The following SDK1 variants were observed in gnomAD, a reference collection of about 807,000 sequenced individuals.
SDK1 encodes the protein sidekick cell adhesion molecule 1.
SDK1 carries 157 observed loss-of-function variants against 245.5 expected under a neutral mutation model. That is an observed-to-expected ratio of 0.64 (90% confidence interval 0.56 to 0.73). SDK1 has a LOEUF of 0.73. Among genes scored for constraint, SDK1 ranks in the 30% least tolerant of loss-of-function variants. The probability of loss-of-function intolerance (pLI) is 0.00; values close to 1 mark genes in which losing one functional copy is unlikely to be tolerated. For missense variants in SDK1, 3,583 were observed against 3,002.3 expected (o/e 1.19, Z -4.52); for synonymous variants, 1,647 against 1,278.5 (o/e 1.29, Z -6.15).
At chr7:4,136,327 G>A (rs1029619607) in intron 28 of SDK1, among the ~76,000 whole-genome samples, 2 of 152,186 alleles carry the variant, frequency 1.3e-5, no homozygotes, top group Admixed American at 6.5e-5. Context: ...ATTCAGATGG[G>A]TGTTCACAGG....
chr7:3,945,655 G>A (rs1780545009), intron 5 of SDK1, among the ~76,000 whole-genome samples: 1 of 152,042 alleles, frequency 6.6e-6, no homozygotes, highest in Admixed American at 6.6e-5. Context: ...CAGCACTTCG[G>A]GAGGCCAAGG....
chr7:3,721,936 T>TCTTTC lies in SDK1; in HGVS notation c.713+79847_713+79851dup, dbSNP rs377139910. Among the ~76,000 whole-genome samples, 350 of 152,304 alleles carry TCTTTC rather than the reference T, an allele frequency of 2.3e-3. 3 individuals are homozygous for TCTTTC. The highest frequency in any genetic ancestry group is 7.4e-3 in the African/African-American group (309 of 41,560). ...TTAACAGTAAATTATTTTCCTTTCCTCTTTCCTTTCCTTTCCTTTCTGACA... is the reference window on the plus strand; with the variant it reads ...TTAACAGTAAATTATTTTCCTTTCCTCTTTCCTTTCCTTTCCTTTCCTTTCTGACA... On this transcript the variant is annotated intron_variant, in intron 4 of 44. Transcript: ENST00000404826.
chr7:3,309,524 A>ATTTTTTTTTTTTTTTTTTTTTTTTT (rs59762021), intron 1 of SDK1, among the ~76,000 whole-genome samples: 1 of 127,318 alleles, frequency 7.9e-6, no homozygotes. Context: ...CTAGAAAAAG[A>ATTTTTTTTTTTTTTTTTTTTTTTTT]TTTTTTTTTT....
chr7:4,130,690 T>C (rs926595180), intron 27 of SDK1, among the ~76,000 whole-genome samples: 1 of 152,204 alleles, frequency 6.6e-6, no homozygotes, highest in African/African-American at 2.4e-5. Flanking sequence ...CCAGCTTTGT[T>C]TTCATGGAAC....
At chr7:3,789,250 C>G (rs1013765880) in intron 4 of SDK1, among the ~76,000 whole-genome samples, 1 of 152,080 alleles carries the variant, frequency 6.6e-6, no homozygotes, top group Admixed American at 6.5e-5. Flanking sequence ...CAGGTTCAAG[C>G]GATTCTCCTG....
intron 30 of SDK1, among the ~76,000 whole-genome samples, chr7:4,152,100 GGGGATCC>G (rs1562892055): frequency 6.6e-6 from 1 of 152,216 alleles, no homozygotes; most frequent in African/African-American, 2.4e-5. Context: ...GGGCTGGAGC[GGGGATCC>G]TGCTGTTCCC....
chr7:3,606,808 A>G (rs1243262277), intron 1 of SDK1, among the ~76,000 whole-genome samples: 1 of 152,100 alleles, frequency 6.6e-6, no homozygotes, highest in Non-Finnish European at 1.5e-5. Context: ...ACATTATATA[A>G]AGGTGTTTCT....
chr7:4,192,617 G>A (rs1462586728), intron 35 of SDK1, among the ~76,000 whole-genome samples: 1 of 152,154 alleles, frequency 6.6e-6, no homozygotes, highest in Non-Finnish European at 1.5e-5. Flanking sequence ...TGTTTTTTCA[G>A]AGAATGCTTT....
intron 4 of SDK1, among the ~76,000 whole-genome samples, chr7:3,798,088 G>GT (rs906383564): frequency 2.8e-4 from 43 of 150,902 alleles, no homozygotes; most frequent in South Asian, 8.4e-4. Flanking sequence ...CTTTTTCCCA[G>GT]TTTTTTTTCC....
chr7:3,737,727 C>T (rs989312249), intron 4 of SDK1, among the ~76,000 whole-genome samples: 3 of 152,186 alleles, frequency 2.0e-5, no homozygotes, highest in African/African-American at 7.2e-5. Context: ...TCCCAGTGTT[C>T]CTGTGAGACA....
chr7:3,502,611 T>G (rs949737884), intron 1 of SDK1, among the ~76,000 whole-genome samples: 1 of 152,264 alleles, frequency 6.6e-6, no homozygotes, highest in African/African-American at 2.4e-5. Flanking sequence ...ATACAAAATT[T>G]GGATTTACAT....
intron 5 of SDK1, among the ~76,000 whole-genome samples, chr7:3,850,252 G>A (rs1170778664): frequency 6.6e-6 from 1 of 152,308 alleles, no homozygotes; most frequent in Non-Finnish European, 1.5e-5. Flanking sequence ...ATCCTCATCT[G>A]TCAAAGGGGA....
chr7:3,956,077 GT>G (rs1781234872), intron 7 of SDK1, among the ~76,000 whole-genome samples: 2 of 152,316 alleles, frequency 1.3e-5, no homozygotes, highest in Admixed American at 1.3e-4. Flanking sequence ...AGGGAGAAGT[GT>G]TTGTTTCCAT....
At chr7:3,841,956 C>T (rs968202340) in intron 5 of SDK1, among the ~76,000 whole-genome samples, 1 of 152,212 alleles carries the variant, frequency 6.6e-6, no homozygotes. Flanking sequence ...CAGGTGGCCT[C>T]AGACTACTCT....
At chr7:3,796,463 C>G (rs150541889) in intron 4 of SDK1, among the ~76,000 whole-genome samples, 2,518 of 152,284 alleles carry the variant, frequency 0.017, 76 homozygotes, top group African/African-American at 0.057. Flanking sequence ...GCAGGGCGAC[C>G]CCTGCACATT....
intron 5 of SDK1, among the ~76,000 whole-genome samples, chr7:3,831,495 T>C (rs1044458609): frequency 6.6e-6 from 1 of 152,168 alleles, no homozygotes; most frequent in Non-Finnish European, 1.5e-5. Flanking sequence ...TCTTTTCATA[T>C]CTCCTCTTTC....
chr7:3,472,210 G>C (rs1236400454), intron 1 of SDK1, among the ~76,000 whole-genome samples: 2 of 152,018 alleles, frequency 1.3e-5, no homozygotes, highest in African/African-American at 4.8e-5. Context: ...AGTTTTTTTA[G>C]ATGTCCATAG....
intron 4 of SDK1, among the ~76,000 whole-genome samples, chr7:3,694,373 T>G (rs1190974688): frequency 6.6e-6 from 1 of 152,110 alleles, no homozygotes; most frequent in Non-Finnish European, 1.5e-5. Flanking sequence ...CTCAACACCC[T>G]CCTCTCATAG....
intron 4 of SDK1, among the ~76,000 whole-genome samples, chr7:3,729,453 G>T (rs1328061756): frequency 6.6e-6 from 1 of 152,182 alleles, no homozygotes; most frequent in African/African-American, 2.4e-5. Context: ...TCACAACTGG[G>T]TGGGGGCCAC....
Sources: gnomAD v4.1 joint callset for allele counts (sites outside exome capture counted in the v4.1 genomes callset) on GRCh38, gnomAD v4.1.1 for gene constraint, MANE v1.5 for transcripts, NCBI Gene and HGNC (gene_info 2026-07-23, HGNC 2026-07-21) for gene names.